KCNH1: variants seen among roughly 807,000 people sequenced by gnomAD.
KCNH1 encodes potassium voltage-gated channel subfamily H member 1.
A neutral mutation model predicts 69.2 loss-of-function variants in KCNH1; 27 were observed. The observed-to-expected ratio is 0.39, with a 90% CI of 0.29 to 0.54. KCNH1 has a LOEUF of 0.54. Ranked by LOEUF, KCNH1 falls within the 20% of genes least tolerant of loss-of-function variation. KCNH1 has a pLI of 0.68. For missense variants in KCNH1, 798 were observed against 1,261.6 expected (o/e 0.63, Z 5.57); for synonymous variants, 456 against 487.7 (o/e 0.93, Z 0.86).
At chr1:210,834,800 A>G (rs1685247094) in intron 7 of KCNH1, among the ~76,000 whole-genome samples, 1 of 152,088 alleles carries the variant, frequency 6.6e-6, no homozygotes, top group Non-Finnish European at 1.5e-5. Context: ...TGGAAGTAGC[A>G]TGGGAGGACA....
At chr1:210,781,312 G>A (rs1402451290) in intron 9 of KCNH1, among the ~76,000 whole-genome samples, 2 of 152,110 alleles carry the variant, frequency 1.3e-5, no homozygotes, top group African/African-American at 4.8e-5. Context: ...TCTCTGGGAG[G>A]CTGAGAGAGG....
At chr1:210,699,498 C>G (rs1383000290) in intron 10 of KCNH1, among the ~76,000 whole-genome samples, 1 of 152,216 alleles carries the variant, frequency 6.6e-6, no homozygotes, top group Non-Finnish European at 1.5e-5. Flanking sequence ...TGGAATCTCT[C>G]AGGCCTAGGT....
intron 10 of KCNH1, among the ~76,000 whole-genome samples, chr1:210,746,719 G>A (rs1683170361): frequency 6.6e-6 from 1 of 151,948 alleles, no homozygotes; most frequent in African/African-American, 2.4e-5. Flanking sequence ...GCTAATTTTT[G>A]TATTTTTAGT....
intron 6 of KCNH1, among the ~76,000 whole-genome samples, chr1:211,001,136 T>C (rs986010101): frequency 6.6e-6 from 1 of 151,980 alleles, no homozygotes; most frequent in African/African-American, 2.4e-5. Flanking sequence ...CCAAAAGCAA[T>C]GGCAACAAAA....
rs1689480377 is a variant in KCNH1 at position 211,015,747 on chromosome 1, A to G, written c.1032+3036T>C. Among the ~76,000 whole-genome samples, 3 of 152,222 alleles carry G rather than the reference A, an allele frequency of 2.0e-5. 1 individual carries two copies. In the South Asian group the frequency reaches 6.2e-4, roughly 32 times the overall value. On this transcript the variant is annotated intron_variant, in intron 6 of 10. Transcript: ENST00000271751. ...TGTAGATAGGAAAACCATGATCCAG[A>G]AAGGCTAAATGATATGCACAAGGAT...
At position 211,134,141 on chromosome 1, in the gene KCNH1, C is replaced by A; in HGVS notation, c.-196G>T. 1 of 447,960 alleles carries A rather than the reference C, an allele frequency of 2.2e-6. No individual in the cohort carries two copies. The highest frequency in any genetic ancestry group is 3.9e-6 in the Non-Finnish European group (1 of 254,396). The allele number at this position is 447,960 out of a possible 1,614,324, so 27.7% of individuals were successfully genotyped here. On this transcript the variant is annotated 5_prime_UTR_variant, in exon 1 of 11. Transcript: ENST00000271751. The surrounding 1 kb of genome is among the most constrained non-coding windows in gnomAD (Gnocchi z 5.7). ...GCGCCTCCCTCCCTGCGGCCCGCCT[C>A]GCAGTGCACTCGCGCCGGCCTCGGC... is the stretch of plus-strand genomic sequence containing the variant.
At chr1:210,782,745 GA>G (rs1297419484) in intron 9 of KCNH1, among the ~76,000 whole-genome samples, 1 of 151,718 alleles carries the variant, frequency 6.6e-6, no homozygotes, top group Admixed American at 6.6e-5. Flanking sequence ...AAGAAAGAAA[GA>G]AAAAAAGATT....
At chr1:210,921,102 A>G (rs1687450646) in intron 6 of KCNH1, among the ~76,000 whole-genome samples, 3 of 152,188 alleles carry the variant, frequency 2.0e-5, no homozygotes, top group Admixed American at 2.0e-4. Context: ...TTCTCTAGAC[A>G]ATGAGAGGTG....
chr1:210,778,530 C>A (rs867305166), intron 9 of KCNH1, among the ~76,000 whole-genome samples: 222 of 122,270 alleles, frequency 1.8e-3, no homozygotes, highest in Admixed American at 1.8e-3. Context: ...GACTCTGTCT[C>A]AAAAAAAAAA....
chr1:210,978,041 ATTT>A (rs374205340), intron 6 of KCNH1, among the ~76,000 whole-genome samples: 2 of 137,678 alleles, frequency 1.5e-5, no homozygotes, highest in Non-Finnish European at 3.2e-5. Flanking sequence ...CTCTCCTTTA[ATTT>A]TTTTTTTTTT....
chr1:210,890,045 T>C (rs1241965557), intron 7 of KCNH1, among the ~76,000 whole-genome samples: 1 of 152,084 alleles, frequency 6.6e-6, no homozygotes, highest in African/African-American at 2.4e-5. Context: ...AAAAACTACT[T>C]TAAATTTCAT....
intron 7 of KCNH1, chr1:210,858,968 C>G (rs1685915726): frequency 2.0e-6 from 1 of 499,014 alleles, no homozygotes; most frequent in Admixed American, 3.3e-5. Flanking sequence ...CAATCCCCCC[C>G]ACCCCCAAAA....
chr1:210,686,633 A>G (rs555138327), intron 10 of KCNH1, among the ~76,000 whole-genome samples: 1 of 152,296 alleles, frequency 6.6e-6, no homozygotes, highest in East Asian at 1.9e-4. Context: ...TGTACCCAAG[A>G]GAGATGATGG....
At chr1:210,984,033 A>T (rs1194154935) in intron 6 of KCNH1, among the ~76,000 whole-genome samples, 1 of 152,150 alleles carries the variant, frequency 6.6e-6, no homozygotes, top group Non-Finnish European at 1.5e-5. Context: ...TCTTTGCAGC[A>T]ATTGTGAATC....
chr1:210,737,235 T>C (rs1450092875), intron 10 of KCNH1, among the ~76,000 whole-genome samples: 1 of 151,884 alleles, frequency 6.6e-6, no homozygotes, highest in Non-Finnish European at 1.5e-5. Flanking sequence ...AGTCACAGAG[T>C]AACTACGAGG....
intron 1 of KCNH1, among the ~76,000 whole-genome samples, chr1:211,131,558 T>C (rs1691876107): frequency 6.6e-6 from 1 of 152,216 alleles, no homozygotes; most frequent in Admixed American, 6.5e-5. Flanking sequence ...TAAAATGCTA[T>C]TTTAATACCG....
intron 6 of KCNH1, among the ~76,000 whole-genome samples, chr1:211,009,135 T>C (rs1183717660): frequency 1.3e-5 from 2 of 152,052 alleles, no homozygotes; most frequent in Non-Finnish European, 1.5e-5. Flanking sequence ...GCCACCATTG[T>C]GGATTTTATT....
Position 210,722,767 on chromosome 1 carries a change from C to T in KCNH1, c.2113-38629G>A, listed in dbSNP as rs1242336231. Among the ~76,000 whole-genome samples the T allele has an allele frequency of 2.6e-5, 4 of 152,148 alleles. No homozygotes were observed. In the East Asian group the frequency reaches 7.7e-4, roughly 29 times the overall value. ...TGTCCTCTATGAGTTTCTGAAATAT[C>T]TTGGAATCAAGTCTAGTAAAATACA... On this transcript the variant is annotated intron_variant, in intron 10 of 10. Transcript: ENST00000271751.
chr1:210,901,372 G>A (rs1228513380), intron 7 of KCNH1, among the ~76,000 whole-genome samples: 1 of 152,056 alleles, frequency 6.6e-6, no homozygotes, highest in Non-Finnish European at 1.5e-5. Flanking sequence ...GTTCTCACCT[G>A]GGCAACTACA....
Sources: allele counts gnomAD v4.1 joint callset (sites outside exome capture counted in the v4.1 genomes callset), GRCh38; gene constraint gnomAD v4.1.1; non-coding constraint Gnocchi (gnomAD v3.1); transcripts MANE v1.5; gene names NCBI Gene and HGNC (gene_info 2026-07-23, HGNC 2026-07-21).